Variants in RPS19 observed in about 807,000 individuals in gnomAD.
RPS19 encodes the protein ribosomal protein S19, also known as small ribosomal subunit protein eS19.
A neutral mutation model predicts 20.3 loss-of-function variants in RPS19; 1 was observed. That is an observed-to-expected ratio of 0.05 (90% CI 0.02 to 0.23). RPS19 has a LOEUF of 0.23. Among genes scored for constraint, RPS19 ranks in the 10% least tolerant of loss-of-function variants. The pLI is 1.00. For synonymous variants in RPS19, 87 were observed against 74.8 expected (o/e 1.16, Z -0.84); for missense variants, 111 against 192.7 (o/e 0.58, Z 2.51).
chr19:41,860,439 A>C lies in RPS19; in HGVS notation c.-1+150A>C, dbSNP rs908084100. 7 of 333,308 alleles carry C rather than the reference A, an allele frequency of 2.1e-5. No homozygotes were observed. In the East Asian group the frequency reaches 4.6e-4, roughly 22 times the overall value. The allele number at this position is 333,308 out of a possible 1,614,324, so 20.6% of individuals were successfully genotyped here. On this transcript the variant is annotated intron_variant, in intron 1 of 5. Coordinates refer to ENST00000598742, the MANE Select transcript of RPS19 (RefSeq NM_001022.4). ...CCACGTGCGAGCGGCAGGCCCGGAC[A>C]TGCCCGGTCAGCGCCGTCCGGGAAC...
At chr19:41,862,536 C>A (rs1196453205) in intron 3 of RPS19, among the ~76,000 whole-genome samples, 4 of 152,166 alleles carry the variant, frequency 2.6e-5, no homozygotes, top group African/African-American at 9.7e-5. Context: ...TTGGTCAGAG[C>A]AGCTTTGGAT....
intron 3 of RPS19, among the ~76,000 whole-genome samples, chr19:41,867,902 C>T (rs782555321): frequency 2.0e-5 from 3 of 152,088 alleles, no homozygotes; most frequent in African/African-American, 7.2e-5. Context: ...TTTGATCCAC[C>T]CTTGGTTGAG....
chr19:41,869,246 A>G, intron 4 of RPS19, 32 bp downstream of exon 4: 1 of 1,580,584 alleles, frequency 6.3e-7, no homozygotes, highest in Non-Finnish European at 8.7e-7. Context: ...GCATTGATGG[A>G]GTAGCCTTGA....
chr19:41,867,582 G>T (rs1284272974), intron 3 of RPS19, among the ~76,000 whole-genome samples: 1 of 152,220 alleles, frequency 6.6e-6, no homozygotes, highest in Non-Finnish European at 1.5e-5. Flanking sequence ...AAAGTGGTGG[G>T]ATTACAGGCG....
chr19:41,864,749 CTAGCATGGAG>C (rs2123270437), intron 3 of RPS19: 1 of 152,334 alleles, frequency 6.6e-6, no homozygotes, highest in South Asian at 2.1e-4. Flanking sequence ...CAGAAGGCCT[CTAGCATGGAG>C]GAACTGGAGG....
At chr19:41,860,882 C>A in intron 2 of RPS19, 37 bp downstream of exon 2, 2 of 1,569,742 alleles carry the variant, frequency 1.3e-6, no homozygotes, top group Non-Finnish European at 8.8e-7. Flanking sequence ...CGGGTGGAGG[C>A]TGTCGCCTTG....
chr19:41,869,699 C>T lies in RPS19; in HGVS notation c.357C>T (p.Gly119=), dbSNP rs145736565. The T allele has an allele frequency of 6.8e-6, 11 of 1,613,882 alleles. No homozygotes were observed. Among genetic ancestry groups the T allele is most frequent in the African/African-American group, 1.3e-5 (1 of 74,910 alleles). ...CTGCATGACCCTTCCCTCCCCACAGCGGCCGCAAACTGACACCTCAGGGAC... is the reference window on the plus strand; with the variant it reads ...CTGCATGACCCTTCCCTCCCCACAGTGGCCGCAAACTGACACCTCAGGGAC... The part of the protein sequence containing the change: ...GLKMVEKDQD[G]GRKLTPQGQR... Residue 119 remains glycine, a splice_region_variant and synonymous_variant, in exon 5 of 6, where the codon GGC becomes GGT. Coordinates refer to ENST00000598742, the MANE Select transcript of RPS19 (RefSeq NM_001022.4).
intron 3 of RPS19, among the ~76,000 whole-genome samples, chr19:41,865,607 G>A (rs996355735): frequency 7.2e-5 from 11 of 152,114 alleles, no homozygotes; most frequent in East Asian, 1.9e-4. Context: ...GTGTACAGCC[G>A]CTTTGGGCAT....
intron 3 of RPS19, among the ~76,000 whole-genome samples, chr19:41,865,612 G>A (rs1452472673): frequency 1.3e-5 from 2 of 152,102 alleles, no homozygotes; most frequent in African/African-American, 4.8e-5. Context: ...CAGCCGCTTT[G>A]GGCATCTCTG....
chr19:41,868,833 A>C (rs530815711), intron 3 of RPS19, among the ~76,000 whole-genome samples, 198 bp from the exon 4 acceptor site: 1 of 146,540 alleles, frequency 6.8e-6, no homozygotes, highest in South Asian at 2.3e-4. Flanking sequence ...GTGCCCACCC[A>C]GGGTGCAGGG....
At chr19:41,865,147 A>G (rs2074071732) in intron 3 of RPS19, among the ~76,000 whole-genome samples, 1 of 152,152 alleles carries the variant, frequency 6.6e-6, no homozygotes, top group South Asian at 2.1e-4. Context: ...CAGGCGGATC[A>G]CCTGAGGTCA....
intron 5 of RPS19, among the ~76,000 whole-genome samples, chr19:41,870,420 G>T (rs1306999172): frequency 6.6e-6 from 1 of 152,092 alleles, no homozygotes; most frequent in East Asian, 1.9e-4. Context: ...AGATAAGGGA[G>T]GGGGGCTGGT....
chr19:41,861,348 G>C (rs568483350), intron 3 of RPS19, 136 bp downstream of exon 3: 45 of 701,140 alleles, frequency 6.4e-5, no homozygotes, highest in South Asian at 5.8e-4. Flanking sequence ...CACTTGCTTT[G>C]TGTGATGTGA....
chr19:41,864,020 T>C (rs1363586085), intron 3 of RPS19: 1 of 152,108 alleles, frequency 6.6e-6, no homozygotes, highest in Non-Finnish European at 1.5e-5. Flanking sequence ...TTTTTCTATT[T>C]TTAGTAGAGA....
chr19:41,861,981 G>A (rs1421958249), intron 3 of RPS19, among the ~76,000 whole-genome samples: 2 of 152,184 alleles, frequency 1.3e-5, no homozygotes, highest in African/African-American at 4.8e-5. Flanking sequence ...ATGTAACAGG[G>A]TGGGCGGTGG....
intron 3 of RPS19, chr19:41,861,436 CAG>C (rs1392557281): frequency 1.7e-5 from 10 of 571,838 alleles, no homozygotes; most frequent in East Asian, 3.0e-5. Flanking sequence ...CTTTGAGCCT[CAG>C]GGGAAACCAG....
intron 5 of RPS19, among the ~76,000 whole-genome samples, chr19:41,870,849 CTTTTTTTTTTTTTTTTTTTTTT>C (rs35987051): frequency 2.3e-5 from 1 of 43,964 alleles, no homozygotes; most frequent in Non-Finnish European, 4.3e-5. Flanking sequence ...CACTCCCTTC[CTTTTTTTTTTTTTTTTTTTTTT>C]TTTTTTTTTG....
intron 3 of RPS19, 44 bp downstream of exon 3, chr19:41,861,256 A>G: frequency 7.1e-7 from 1 of 1,402,668 alleles, no homozygotes; most frequent in Non-Finnish European, 1.0e-6. Context: ...GAGCTGGGTG[A>G]CCCCTGGCAC....
chr19:41,862,635 A>AT (rs35133385), intron 3 of RPS19, among the ~76,000 whole-genome samples: 16,622 of 144,552 alleles, frequency 0.11, 1,649 homozygotes, highest in African/African-American at 0.27. Context: ...TGTCTTGTAC[A>AT]TTTTTTTTTT....
Sources: allele counts gnomAD v4.1 joint callset (sites outside exome capture counted in the v4.1 genomes callset), GRCh38; gene constraint gnomAD v4.1.1; transcripts MANE v1.5; gene names NCBI Gene and HGNC (gene_info 2026-07-23, HGNC 2026-07-21).